KLC4: variants seen among roughly 807,000 people sequenced by gnomAD.
The protein encoded by KLC4 is kinesin light chain 4, also known as kinesin-like protein 8.
KLC4 carries 49 observed loss-of-function variants against 77.2 expected under a neutral mutation model. The observed-to-expected ratio is 0.63, with a 90% CI of 0.50 to 0.80. The LOEUF (loss-of-function observed/expected upper bound fraction) is 0.80, where lower values mean the gene tolerates loss of function less well. KLC4 is among the 30% of genes least tolerant of loss of function. The pLI, the probability that KLC4 is intolerant of heterozygous loss-of-function variation, is 0.00. For synonymous variants in KLC4, 274 were observed against 314.5 expected (o/e 0.87, Z 1.36); for missense variants, 669 against 793.5 (o/e 0.84, Z 1.89).
chr6:43,072,077 G>T (rs1479191039), intron 11 of KLC4, 70 bp from the exon 12 acceptor site: 6 of 1,446,624 alleles, frequency 4.1e-6, no homozygotes, highest in South Asian at 1.2e-5. Flanking sequence ...CTCTTGTCTT[G>T]CTTGGAAGAC....
In KLC4 at chr6:43,071,381, G is replaced by A. The variant is rs1313127386; in HGVS notation, c.1255+7G>A. On this transcript the variant is annotated splice_region_variant and intron_variant, in intron 9 of 15. Transcript: ENST00000347162. ...GAGTTTGGGTCTGTGGATGGTGAGT[G>A]GTGAGGGCCTGGGGAAGGGGCTGTG... 6.2e-7 allele frequency: 1 copy of A among 1,604,438 alleles called. No homozygotes were observed. Among genetic ancestry groups the A allele is most frequent in the Non-Finnish European group, 8.5e-7 (1 of 1,171,320 alleles).
chr6:43,069,576 T>G (rs1765621114), intron 6 of KLC4, among the ~76,000 whole-genome samples: 1 of 150,914 alleles, frequency 6.6e-6, no homozygotes, highest in Non-Finnish European at 1.5e-5. Context: ...TGAGATAGAG[T>G]TTCACTCTTG....
Position 43,071,941 on chromosome 6 carries a change from G to A in KLC4, c.1379+19G>A. 1 of 1,601,208 alleles carries A rather than the reference G, an allele frequency of 6.2e-7. No individual in the cohort carries two copies. Among genetic ancestry groups the A allele is most frequent in the South Asian group, 1.1e-5 (1 of 88,710 alleles). ...TGAGCAGGTGAGCTGACAGTGAAAA[G>A]CCAGCTTGGCCTCCGATGCCCTCCA... is the stretch of plus-strand genomic sequence containing the variant. On this transcript the variant is annotated intron_variant, in intron 11 of 15. Transcript: ENST00000347162.
chr6:43,066,628 G>C, intron 5 of KLC4, 103 bp downstream of exon 5: 2 of 997,774 alleles, frequency 2.0e-6, no homozygotes, highest in South Asian at 3.1e-5. Flanking sequence ...TCTCCTCCCT[G>C]TTGGGCCTCC....
intron 6 of KLC4, among the ~76,000 whole-genome samples, chr6:43,069,903 A>G (rs747989888): frequency 1.3e-5 from 2 of 152,164 alleles, no homozygotes. Flanking sequence ...GGTATGACAT[A>G]TGATAGGCAG....
chr6:43,070,933 G>GGGGGGGGGGGGGGGGC, intron 8 of KLC4, 68 bp downstream of exon 8: 1 of 360,516 alleles, frequency 2.8e-6, no homozygotes. Context: ...GGGAGGGGGG[G>GGGGGGGGGGGGGGGGC]CAGGCGGAGA....
In KLC4 at chr6:43,066,553, G is replaced by C. The variant is rs1315109275; in HGVS notation, c.791+28G>C. On this transcript the variant is annotated intron_variant, in intron 5 of 15. Transcript: ENST00000347162. ...GAGGACTTCCCTCCTCCAGTGCCCA[G>C]ATCTTCCCCCACATTCCCACCTTGG... The C allele has an allele frequency of 1.9e-6, 3 of 1,581,114 alleles. No individual in the cohort carries two copies. In the Admixed American group the frequency reaches 5.0e-5, roughly 26 times the overall value.
Position 43,070,852 on chromosome 6 carries a change from C to G in KLC4, c.1142C>G (p.Thr381Ser), listed in dbSNP as rs1765683228. Residue 381 changes from threonine to serine, a missense_variant, in exon 8 of 16, where the codon ACC becomes AGC. Thr to Ser is a moderately conservative substitution (Grantham distance 58, BLOSUM62 1). Transcript: ENST00000347162. ...LGPDNPNVAR[T>S]KNNLASCYLK... Reference sequence around the variant, plus strand: ...CCGGACAACCCTAATGTAGCCCGGACCAAGAACAACCTGGTATGGGAGGAG... The same window carrying G: ...CCGGACAACCCTAATGTAGCCCGGAGCAAGAACAACCTGGTATGGGAGGAG... 1.3e-6 allele frequency: 2 copies of G among 1,599,932 alleles called. No individual in the cohort carries two copies. The highest frequency in any genetic ancestry group is 8.5e-7 in the Non-Finnish European group (1 of 1,175,750).
At chr6:43,065,375 G>C in intron 3 of KLC4, 1 of 428,946 alleles carries the variant, frequency 2.3e-6, no homozygotes, top group South Asian at 3.1e-5. Flanking sequence ...CACCCGGCCA[G>C]GAAGGAAACT....
At chr6:43,066,238 G>A (rs1765414482) in intron 4 of KLC4, 68 bp from the exon 5 acceptor site, 6 of 1,296,096 alleles carry the variant, frequency 4.6e-6, no homozygotes, top group Non-Finnish European at 6.7e-6. Context: ...GACATGCAAT[G>A]GGGAGTGGAA....
intron 6 of KLC4, 107 bp from the exon 7 acceptor site, chr6:43,070,245 CTT>C: frequency 2.8e-6 from 2 of 706,326 alleles, no homozygotes; most frequent in Non-Finnish European, 4.9e-6. Flanking sequence ...GACTTTGTCT[CTT>C]AGAGTTGTGC....
intron 3 of KLC4, 25 bp from the exon 4 acceptor site, chr6:43,065,595 T>A: frequency 6.4e-7 from 1 of 1,568,470 alleles, no homozygotes. Context: ...ATCTTGGCCC[T>A]TATATGTTGC....
chr6:43,074,329 C>T, intron 15 of KLC4: 2 of 483,792 alleles, frequency 4.1e-6, no homozygotes, highest in South Asian at 3.5e-5. Context: ...AAATAATCCC[C>T]ATCTGAGAAA....
chr6:43,065,771 T>C, intron 4 of KLC4, 70 bp downstream of exon 4: 1 of 1,017,540 alleles, frequency 9.8e-7, no homozygotes, highest in Non-Finnish European at 1.5e-6. Context: ...TGGCCCACCC[T>C]GTACACAGGA....
intron 11 of KLC4, 30 bp from the exon 12 acceptor site, chr6:43,072,117 C>T (rs368526857): frequency 3.8e-6 from 6 of 1,573,366 alleles, no homozygotes; most frequent in Non-Finnish European, 5.2e-6. Context: ...CTCATTCTCT[C>T]TTCCTTCTCT....
In KLC4 at chr6:43,061,504, G is replaced by A. The variant is rs781598260; in HGVS notation, c.169G>A (p.Gly57Arg). The A allele has an allele frequency of 1.9e-6, 3 of 1,614,154 alleles. No individual in the cohort carries two copies. The South Asian group carries it at 3.3e-5, about 18-fold the overall frequency. Residue 57 changes from glycine to arginine, a missense_variant, in exon 2 of 16, where the codon GGA (glycine) becomes AGA (arginine). By Grantham distance (125) the Gly-to-Arg change is moderately radical (BLOSUM62 -2). Transcript: ENST00000347162. ...CCAGACCATTGAGTGTCTGCAGCAG[G>A]GAGGCCATGAGGAAGGGCTGGTGCA... ...LSQTIECLQQ[G>R]GHEEGLVHEK...
chr6:43,063,196 AC>A, intron 3 of KLC4, 49 bp downstream of exon 3: 1 of 1,434,518 alleles, frequency 7.0e-7, no homozygotes, highest in Non-Finnish European at 9.7e-7. Context: ...GCCGGGAGTT[AC>A]CACAGACATG....
In KLC4 at chr6:43,064,862, C is replaced by T. The variant is rs561166039; in HGVS notation, c.490-758C>T. Among the ~76,000 whole-genome samples, 47 of 152,212 alleles carry T rather than the reference C, an allele frequency of 3.1e-4. No individual in the cohort carries two copies. The South Asian group carries it at 9.6e-3, about 31-fold the overall frequency. On this transcript the variant is annotated intron_variant, in intron 3 of 15. Transcript: ENST00000347162. ...TAGGTTAGACAGTGAGGGAGGGTTA[C>T]GTAGTAAGTCCAGAATGAGCTGTGC...
Position 43,073,887 on chromosome 6 carries a change from C to T in KLC4, c.1746-15C>T, listed in dbSNP as rs111870283. On this transcript the variant is annotated splice_polypyrimidine_tract_variant and intron_variant, in intron 14 of 15. Transcript: ENST00000347162. ...GGAAGAGAGGAGGCCTCAATTCTTC[C>T]GTTTTCCATTGTAGCAGCAACATGA... is the stretch of plus-strand genomic sequence containing the variant. 7.6e-4 allele frequency: 1,224 copies of T among 1,613,832 alleles called. 3 individuals carry two copies. In the African/African-American group the frequency reaches 0.014, roughly 19 times the overall value.
Sources: allele counts gnomAD v4.1 joint callset (sites outside exome capture counted in the v4.1 genomes callset), GRCh38; gene constraint gnomAD v4.1.1; transcripts MANE v1.5; gene names NCBI Gene and HGNC (gene_info 2026-07-23, HGNC 2026-07-21).